The following OR1J2 variants were observed in gnomAD, a reference collection of about 807,000 sequenced individuals.
OR1J2 encodes the protein olfactory receptor 1J2.
For missense variants in OR1J2, 304 were observed against 246.1 expected, an observed-to-expected ratio of 1.24 and a Z score of -1.57; for synonymous variants, 142 against 99.7, an observed-to-expected ratio of 1.42 and a Z score of -2.52.
the OR1J2 span, among the ~76,000 whole-genome samples, chr9:122,545,993 C>G: frequency 3.9e-5 from 6 of 151,944 alleles, no homozygotes; most frequent in Admixed American, 3.9e-4. Flanking sequence ...TATAGTTATT[C>G]CATGTCTATA....
the OR1J2 span, among the ~76,000 whole-genome samples, chr9:122,531,889 C>T: frequency 6.6e-6 from 1 of 152,154 alleles, no homozygotes; most frequent in Non-Finnish European, 1.5e-5. Context: ...AGGCCTCTAC[C>T]TATCCAGTGA....
chr9:122,568,727 T>C, the OR1J2 span: 1 of 388,396 alleles, frequency 2.6e-6, no homozygotes, highest in Non-Finnish European at 4.5e-6. Context: ...TTAGAAACTT[T>C]CAGAAGTGGA....
the OR1J2 span, among the ~76,000 whole-genome samples, chr9:122,550,098 G>A: frequency 2.0e-5 from 3 of 151,950 alleles, no homozygotes; most frequent in African/African-American, 7.2e-5. Context: ...TATAATCCTA[G>A]GTATCATCAG....
the OR1J2 span, among the ~76,000 whole-genome samples, chr9:122,577,941 C>T: frequency 6.6e-6 from 1 of 152,212 alleles, no homozygotes; most frequent in South Asian, 2.1e-4. Flanking sequence ...TGTCTATGAC[C>T]TAGTCTTTCA....
the OR1J2 span, among the ~76,000 whole-genome samples, chr9:122,492,123 C>T: frequency 6.6e-6 from 1 of 152,112 alleles, no homozygotes; most frequent in East Asian, 1.9e-4. Context: ...GAGCATAGTA[C>T]CTAACAGTTT....
At chr9:122,554,618 A>G in the OR1J2 span, among the ~76,000 whole-genome samples, 3 of 152,236 alleles carry the variant, frequency 2.0e-5, no homozygotes, top group South Asian at 6.2e-4. Context: ...TTAGGATGCT[A>G]AATAACTTAA....
chr9:122,500,415 C>T, the OR1J2 span, among the ~76,000 whole-genome samples: 2 of 152,184 alleles, frequency 1.3e-5, no homozygotes. Context: ...CAGCATTCCC[C>T]TCTCTGGGAT....
At chr9:122,480,265 G>A in the OR1J2 span, among the ~76,000 whole-genome samples, 1 of 152,052 alleles carries the variant, frequency 6.6e-6, no homozygotes, top group East Asian at 1.9e-4. Context: ...TTATAATGAG[G>A]ACCATGAGAT....
Position 122,511,206 on chromosome 9 carries a change from C to A in OR1J2, c.405C>A (p.Ile135=). ...AICHPLHYTV[I]MREELCVFLV... is the part of the protein sequence containing the mutation. ...GTCACCCTCTCCACTACACTGTCAT[C>A]ATGAGGGAAGAGCTCTGTGTCTTCT... is the stretch of plus-strand genomic sequence containing the variant. The change falls in exon 1 of 1, where the codon ATC becomes ATA. Residue 135 remains isoleucine, a synonymous_variant. Coordinates refer to ENST00000335302, the MANE Select transcript of OR1J2 (RefSeq NM_054107.1). 1 of 738,822 alleles carries A rather than the reference C, an allele frequency of 1.4e-6. No homozygotes were observed. The highest frequency in any genetic ancestry group is 1.9e-5 in the Admixed American group (1 of 52,686). 45.8% of individuals were successfully genotyped at this position (738,822 alleles called of 1,614,324 possible).
chr9:122,510,090 G>A (rs753625670), upstream of OR1J2, among the ~76,000 whole-genome samples: 1 of 152,058 alleles, frequency 6.6e-6, no homozygotes, highest in African/African-American at 2.4e-5. Flanking sequence ...AACCACCATG[G>A]CACACGTTTA....
chr9:122,521,858 T>C, the OR1J2 span, among the ~76,000 whole-genome samples: 1 of 152,310 alleles, frequency 6.6e-6, no homozygotes. Flanking sequence ...GAGAGACCAA[T>C]ATTGTCATTT....
chr9:122,519,016 A>T, the OR1J2 span: 1 of 673,340 alleles, frequency 1.5e-6, no homozygotes, highest in Non-Finnish European at 2.6e-6. Flanking sequence ...ATAGCAATGT[A>T]GACAGACATT....
chr9:122,577,393 C>T, the OR1J2 span, among the ~76,000 whole-genome samples: 1 of 152,240 alleles, frequency 6.6e-6, no homozygotes, highest in Admixed American at 6.5e-5. Flanking sequence ...ACACATATGA[C>T]CTCCACATAC....
At chr9:122,534,716 C>T in the OR1J2 span, among the ~76,000 whole-genome samples, 14,748 of 151,698 alleles carry the variant, frequency 0.097, 1,039 homozygotes, top group East Asian at 0.33. Context: ...AAGGACTCAG[C>T]GATGCTTGGG....
the OR1J2 span, among the ~76,000 whole-genome samples, chr9:122,540,402 G>A: frequency 5.9e-5 from 9 of 152,120 alleles, no homozygotes; most frequent in East Asian, 1.9e-4. Flanking sequence ...TTTTTGTCAC[G>A]TTTGTCAAAG....
the OR1J2 span, among the ~76,000 whole-genome samples, chr9:122,495,605 G>T: frequency 1.3e-5 from 2 of 151,686 alleles, no homozygotes; most frequent in African/African-American, 4.8e-5. Flanking sequence ...TCATGTTTTT[G>T]ATTTCTTTAA....
At chr9:122,500,567 G>A in the OR1J2 span, among the ~76,000 whole-genome samples, 2 of 152,312 alleles carry the variant, frequency 1.3e-5, no homozygotes, top group East Asian at 1.9e-4. Flanking sequence ...AGGAATTTCC[G>A]ATTTCATGAT....
chr9:122,477,294 G>A, the OR1J2 span: 2 of 1,614,068 alleles, frequency 1.2e-6, no homozygotes, highest in African/African-American at 1.3e-5. Flanking sequence ...GGATGCACAG[G>A]AATGGAAGCA....
the OR1J2 span, among the ~76,000 whole-genome samples, chr9:122,540,124 A>G: frequency 6.6e-6 from 1 of 151,538 alleles, no homozygotes; most frequent in African/African-American, 2.4e-5. Flanking sequence ...GTTTAATTAG[A>G]TCCCATTTGT....
Sources: allele counts gnomAD v4.1 joint callset (sites outside exome capture counted in the v4.1 genomes callset), GRCh38; gene constraint gnomAD v4.1.1; transcripts MANE v1.5; gene names NCBI Gene and HGNC (gene_info 2026-07-23, HGNC 2026-07-21).